DNAH8: variants seen among roughly 807,000 people sequenced by gnomAD.
DNAH8 encodes the protein axonemal beta dynein heavy chain 8.
Under a neutral mutation model 562.1 loss-of-function variants are expected in DNAH8, and 382 were observed. The ratio of observed to expected loss-of-function variants is 0.68; its 90% CI spans 0.63 to 0.74. The LOEUF (loss-of-function observed/expected upper bound fraction) is 0.74, where lower values mean the gene tolerates loss of function less well. Ranked by LOEUF, DNAH8 falls within the 30% of genes least tolerant of loss-of-function variation. The pLI is 0.00. For missense variants in DNAH8, 5,203 were observed against 5,620.4 expected, an observed-to-expected ratio of 0.93 and a Z score of 2.37; for synonymous variants, 1,881 against 1,919.4, an observed-to-expected ratio of 0.98 and a Z score of 0.52.
Position 39,010,219 on chromosome 6 carries a change from T to C in DNAH8, c.13371+1249T>C, listed in dbSNP as rs1014379894. Among the ~76,000 whole-genome samples, 3 of 152,278 alleles carry C rather than the reference T, an allele frequency of 2.0e-5. No individual in the cohort carries two copies. The East Asian group carries it at 5.8e-4, about 29-fold the overall frequency. On this transcript the variant is annotated intron_variant, in intron 89 of 92. Coordinates refer to ENST00000327475, the MANE Select transcript of DNAH8 (RefSeq NM_001206927.2). ...TTTGTACTAAGAGACATCTAAAACT[T>C]GTCCCTGTTCCAAGATCACTTACTT...
Position 38,845,305 on chromosome 6 carries a change from A to G in DNAH8, c.4846-269A>G, listed in dbSNP as rs9369084. Among the ~76,000 whole-genome samples the G allele has an allele frequency of 0.28, 42,914 of 152,096 alleles. 6,387 individuals are homozygous for G. The highest frequency in any genetic ancestry group is 0.41 in the East Asian group (2,099 of 5,160). On this transcript the variant is annotated intron_variant, in intron 35 of 92. Transcript: ENST00000327475. Reference sequence around the variant, plus strand: ...TTAGCCAAAAGTTCGAATTGAAAACATAATCTGAAAAATGATGATTTAAGT... The same window carrying G: ...TTAGCCAAAAGTTCGAATTGAAAACGTAATCTGAAAAATGATGATTTAAGT...
chr6:38,734,975 G>C (rs969290456), intron 5 of DNAH8, among the ~76,000 whole-genome samples: 1 of 152,144 alleles, frequency 6.6e-6, no homozygotes, highest in African/African-American at 2.4e-5. Flanking sequence ...AGTTGTCCTA[G>C]AGCCTGGACA....
intron 63 of DNAH8, among the ~76,000 whole-genome samples, chr6:38,906,786 C>T (rs2150521280): frequency 6.6e-6 from 1 of 152,264 alleles, no homozygotes; most frequent in Non-Finnish European, 1.5e-5. Context: ...TGTATCAGCA[C>T]TTCCGTGAGC....
At chr6:38,779,944 A>G (rs1012629225) in intron 14 of DNAH8, 22 bp from the exon 15 acceptor site, 2 of 1,601,584 alleles carry the variant, frequency 1.2e-6, no homozygotes, top group Non-Finnish European at 8.6e-7. Flanking sequence ...CTTTTTAACC[A>G]TTCAGCTTTG....
At chr6:39,026,751 C>A in intron 92 of DNAH8, 84 bp downstream of exon 92, 1 of 1,472,666 alleles carries the variant, frequency 6.8e-7, no homozygotes, top group Non-Finnish European at 9.3e-7. Context: ...GCTATGAGTG[C>A]CTTGGTTAGG....
At chr6:38,781,843 G>A (rs1235528407) in intron 16 of DNAH8, among the ~76,000 whole-genome samples, 1 of 152,076 alleles carries the variant, frequency 6.6e-6, no homozygotes, top group Non-Finnish European at 1.5e-5. Context: ...ATGTCCTTCA[G>A]ATTATTAGAT....
At chr6:38,775,082 A>G (rs1447152024) in intron 12 of DNAH8, among the ~76,000 whole-genome samples, 1 of 152,204 alleles carries the variant, frequency 6.6e-6, no homozygotes, top group Non-Finnish European at 1.5e-5. Flanking sequence ...CTTTCTGGCC[A>G]TTGGACCAGC....
At chr6:38,930,913 C>T (rs906249133) in intron 75 of DNAH8, among the ~76,000 whole-genome samples, 10 of 152,080 alleles carry the variant, frequency 6.6e-5, no homozygotes, top group African/African-American at 2.4e-4. Flanking sequence ...CCCCATTTCT[C>T]CCATCCCCTA....
At chr6:39,026,457 G>A (rs1017446274) in intron 91 of DNAH8, 89 bp from the exon 92 acceptor site, 2 of 1,327,308 alleles carry the variant, frequency 1.5e-6, no homozygotes, top group African/African-American at 2.9e-5. Flanking sequence ...TTTGGAGATT[G>A]ATAAGCAAGT....
chr6:38,894,163 G>A (rs1341147678), intron 58 of DNAH8, among the ~76,000 whole-genome samples: 1 of 152,078 alleles, frequency 6.6e-6, no homozygotes, highest in Non-Finnish European at 1.5e-5. Flanking sequence ...ACTGAGTTTG[G>A]ATCCACACAG....
intron 16 of DNAH8, among the ~76,000 whole-genome samples, chr6:38,782,520 A>C (rs536317019): frequency 1.3e-5 from 2 of 152,146 alleles, no homozygotes; most frequent in Non-Finnish European, 2.9e-5. Flanking sequence ...GACTTCAGGT[A>C]ATCCACCTGC....
intron 85 of DNAH8, among the ~76,000 whole-genome samples, chr6:38,975,705 A>G (rs145440366): frequency 3.0e-4 from 46 of 152,342 alleles, no homozygotes; most frequent in African/African-American, 9.9e-4. Flanking sequence ...ACAGCTTTCA[A>G]GTCACAGAAG....
At chr6:38,976,079 A>G (rs1021829616) in intron 85 of DNAH8, among the ~76,000 whole-genome samples, 1 of 152,248 alleles carries the variant, frequency 6.6e-6, no homozygotes, top group African/African-American at 2.4e-5. Flanking sequence ...CGGTGAAGTT[A>G]CCAGTGGAGT....
At chr6:38,775,689 G>A in intron 12 of DNAH8, 65 bp from the exon 13 acceptor site, 2 of 977,270 alleles carry the variant, frequency 2.0e-6, no homozygotes, top group South Asian at 1.6e-5. Flanking sequence ...TTCATTAAGA[G>A]CTTATTTTAG....
intron 4 of DNAH8, among the ~76,000 whole-genome samples, chr6:38,730,990 C>T (rs1028183341): frequency 7.2e-5 from 11 of 152,168 alleles, no homozygotes; most frequent in African/African-American, 2.4e-5. Context: ...TTCTCCAGAT[C>T]CCTATCTCAT....
rs537668252 is a variant in DNAH8, at chr6:38,791,626, G to T, written c.2853G>T (p.Leu951=). 1.3e-4 allele frequency: 210 copies of T among 1,613,826 alleles called. 3 individuals carry two copies. In the South Asian group the frequency reaches 2.2e-3, roughly 17 times the overall value. ...TAGCCAAAACTGTGTTGATTTCTCT[G>T]CCTGAAAGTGGTGCTACCAAAGTAG... The part of the protein sequence containing the change: ...KEIAKTVLIS[L]PESGATKVED... Residue 951 remains leucine, a synonymous_variant, in exon 21 of 93, where the codon CTG becomes CTT. Coordinates refer to ENST00000327475, the MANE Select transcript of DNAH8 (RefSeq NM_001206927.2).
At chr6:39,001,870 G>A (rs1765508034) in intron 88 of DNAH8, among the ~76,000 whole-genome samples, 1 of 152,104 alleles carries the variant, frequency 6.6e-6, no homozygotes, top group African/African-American at 2.4e-5. Context: ...GGAAGTTAGG[G>A]GGCAGAACTG....
intron 9 of DNAH8, among the ~76,000 whole-genome samples, chr6:38,751,307 A>G (rs986493190): frequency 6.6e-6 from 1 of 152,190 alleles, no homozygotes. Context: ...AGAACACCCA[A>G]GTTGGAATCT....
intron 42 of DNAH8, among the ~76,000 whole-genome samples, chr6:38,859,868 G>T (rs1243242589): frequency 1.3e-5 from 2 of 152,080 alleles, no homozygotes; most frequent in African/African-American, 4.8e-5. Flanking sequence ...AGTGGCTTCC[G>T]ACTGCTATGA....
Sources: allele counts gnomAD v4.1 joint callset (sites outside exome capture counted in the v4.1 genomes callset), GRCh38; gene constraint gnomAD v4.1.1; transcripts MANE v1.5; gene names NCBI Gene and HGNC (gene_info 2026-07-23, HGNC 2026-07-21).